CTTNBP2: variants seen among roughly 807,000 people sequenced by gnomAD.
The protein encoded by CTTNBP2 is cortactin-binding protein 2.
A neutral mutation model predicts 156.9 loss-of-function variants in CTTNBP2; 108 were observed. The ratio of observed to expected loss-of-function variants is 0.69; its 90% CI spans 0.59 to 0.81. The LOEUF is 0.81. Among genes scored for constraint, CTTNBP2 ranks in the 30% least tolerant of loss-of-function variants. CTTNBP2 has a pLI of 0.00. For synonymous variants in CTTNBP2, 767 were observed against 751.8 expected (o/e 1.02, Z -0.33); for missense variants, 1,924 against 2,035.4 (o/e 0.95, Z 1.05).
At chr7:117,794,980 C>T (rs1183339384) in intron 3 of CTTNBP2, among the ~76,000 whole-genome samples, 5 of 149,154 alleles carry the variant, frequency 3.4e-5, no homozygotes, top group South Asian at 2.1e-4. Flanking sequence ...CTGCAAGCTC[C>T]GCTTCCCGGG....
At chr7:117,824,771 C>T (rs143822983) in intron 2 of CTTNBP2, among the ~76,000 whole-genome samples, 7 of 152,362 alleles carry the variant, frequency 4.6e-5, no homozygotes, top group Non-Finnish European at 7.3e-5. Context: ...TGGCTTCCTT[C>T]ACTTCAACGC....
At chr7:117,853,926 T>C (rs1412316398) in intron 2 of CTTNBP2, among the ~76,000 whole-genome samples, 1 of 152,212 alleles carries the variant, frequency 6.6e-6, no homozygotes, top group African/African-American at 2.4e-5. Context: ...GGAAAAGCAA[T>C]GTTTTGCATG....
intron 2 of CTTNBP2, among the ~76,000 whole-genome samples, chr7:117,850,417 G>T: frequency 6.6e-6 from 1 of 152,132 alleles, no homozygotes; most frequent in East Asian, 1.9e-4. Flanking sequence ...ATACTGCTTT[G>T]TAATTTCAAG....
chr7:117,842,250 G>C (rs1037404192), intron 2 of CTTNBP2, among the ~76,000 whole-genome samples: 3 of 152,118 alleles, frequency 2.0e-5, no homozygotes, highest in African/African-American at 7.2e-5. Flanking sequence ...GCCTAGGCTG[G>C]AGTGCAATGG....
chr7:117,775,081 T>A (rs945052950), intron 8 of CTTNBP2, among the ~76,000 whole-genome samples: 2 of 152,194 alleles, frequency 1.3e-5, no homozygotes, highest in African/African-American at 2.4e-5. Context: ...ACTCAGGCAA[T>A]CTGGGCTTCA....
chr7:117,755,388 C>T (rs1363476386), intron 12 of CTTNBP2: 7 of 325,312 alleles, frequency 2.2e-5, no homozygotes, highest in Non-Finnish European at 3.0e-5. Flanking sequence ...GGTCATAGTT[C>T]CAACTCATTT....
chr7:117,788,364 C>G (rs1048303336), intron 4 of CTTNBP2, among the ~76,000 whole-genome samples: 2 of 152,166 alleles, frequency 1.3e-5, no homozygotes, highest in African/African-American at 4.8e-5. Context: ...TGGACTAATC[C>G]TGCCTTACTA....
At chr7:117,761,244 A>G (rs1374681267) in intron 9 of CTTNBP2, among the ~76,000 whole-genome samples, 1 of 152,212 alleles carries the variant, frequency 6.6e-6, no homozygotes, top group Non-Finnish European at 1.5e-5. Flanking sequence ...GAGGGAATGT[A>G]TATCGAGTTG....
intron 2 of CTTNBP2, among the ~76,000 whole-genome samples, chr7:117,835,038 G>A (rs138250401): frequency 1.8e-3 from 272 of 152,312 alleles, no homozygotes; most frequent in African/African-American, 6.2e-3. Flanking sequence ...AATTGCCAGC[G>A]TCAATAAAAG....
At chr7:117,852,260 T>G (rs1319635365) in intron 2 of CTTNBP2, among the ~76,000 whole-genome samples, 3 of 150,180 alleles carry the variant, frequency 2.0e-5, no homozygotes, top group Non-Finnish European at 4.4e-5. Flanking sequence ...ATTTAAGGAC[T>G]GAATTTACTA....
intron 5 of CTTNBP2, among the ~76,000 whole-genome samples, chr7:117,783,676 T>C (rs970283762): frequency 6.6e-6 from 1 of 152,258 alleles, no homozygotes; most frequent in Non-Finnish European, 1.5e-5. Flanking sequence ...GGCTTCCATA[T>C]GCAACGCTAT....
At chr7:117,762,137 CTATT>C (rs1797249175) in intron 9 of CTTNBP2, among the ~76,000 whole-genome samples, 1 of 152,142 alleles carries the variant, frequency 6.6e-6, no homozygotes, top group South Asian at 2.1e-4. Context: ...GCTCCTTTCT[CTATT>C]TATTTTGTGC....
At chr7:117,749,267 T>G (rs1180002564) in intron 12 of CTTNBP2, among the ~76,000 whole-genome samples, 2 of 152,214 alleles carry the variant, frequency 1.3e-5, no homozygotes, top group Non-Finnish European at 2.9e-5. Context: ...CCAGGATGTG[T>G]GGACCACCAC....
chr7:117,814,062 T>C (rs1215243178), intron 2 of CTTNBP2, among the ~76,000 whole-genome samples: 1 of 152,216 alleles, frequency 6.6e-6, no homozygotes, highest in Non-Finnish European at 1.5e-5. Context: ...TTTTATGATG[T>C]ACAGTACTTG....
At chr7:117,731,315 G>T (rs1054107242) in intron 16 of CTTNBP2, among the ~76,000 whole-genome samples, 3 of 152,230 alleles carry the variant, frequency 2.0e-5, no homozygotes, top group Non-Finnish European at 4.4e-5. Context: ...TTAAAAGCCT[G>T]AGGGAAAGCC....
At chr7:117,737,765 G>C (rs1795786376) in intron 14 of CTTNBP2, among the ~76,000 whole-genome samples, 1 of 152,034 alleles carries the variant, frequency 6.6e-6, no homozygotes, top group African/African-American at 2.4e-5. Context: ...ATTTTTAATA[G>C]AGATGGGAGT....
chr7:117,793,350 C>T (rs1206760386), intron 3 of CTTNBP2: 1 of 152,174 alleles, frequency 6.6e-6, no homozygotes, highest in African/African-American at 2.4e-5. Flanking sequence ...TTTGAAAACT[C>T]TAAAGAGCTA....
Position 117,791,411 on chromosome 7 carries a change from G to C in CTTNBP2, c.1785C>G (p.Asn595Lys). ...ASTPSSLPQG[N>K]RVINEENLPK... ...GAAGGTTCTCCTCATTGATCACCCT[G>C]TTCCCTTGTGGCAAACTGGAAGGAG... Residue 595 changes from asparagine (N) to lysine (K), a missense_variant, in exon 4 of 23, where the codon AAC (asparagine) becomes AAG (lysine). By Grantham distance (94) the Asn-to-Lys change is moderately conservative (BLOSUM62 0). Coordinates refer to ENST00000160373, the MANE Select transcript of CTTNBP2 (RefSeq NM_033427.3). The C allele has an allele frequency of 6.2e-7, 1 of 1,614,214 alleles. No individual in the cohort carries two copies. Among genetic ancestry groups the C allele is most frequent in the Non-Finnish European group, 8.5e-7 (1 of 1,180,040 alleles).
chr7:117,832,617 T>C (rs1362803071), intron 2 of CTTNBP2, among the ~76,000 whole-genome samples: 1 of 152,142 alleles, frequency 6.6e-6, no homozygotes, highest in African/African-American at 2.4e-5. Context: ...TTTTTCTGTA[T>C]TCTTGATGCT....
Sources: gnomAD v4.1 joint callset for allele counts (sites outside exome capture counted in the v4.1 genomes callset) on GRCh38, gnomAD v4.1.1 for gene constraint, MANE v1.5 for transcripts, NCBI Gene and HGNC (gene_info 2026-07-23, HGNC 2026-07-21) for gene names.